CEP89: variants seen among roughly 807,000 people sequenced by gnomAD.
CEP89 encodes centrosomal protein of 89 kDa.
Under a neutral mutation model 97.6 loss-of-function variants are expected in CEP89, and 95 were observed. The ratio of observed to expected loss-of-function variants is 0.97; its 90% CI spans 0.82 to 1.15. CEP89 has a LOEUF of 1.15. Among genes scored for constraint, CEP89 ranks in the 50% most tolerant of loss-of-function variants. The pLI, the probability that CEP89 is intolerant of heterozygous loss-of-function variation, is 0.00. For missense variants in CEP89, 869 were observed against 947.7 expected (o/e 0.92, Z 1.09); for synonymous variants, 354 against 349.1 (o/e 1.01, Z -0.16).
chr19:32,929,947 C>T (rs1970436429), intron 9 of CEP89, among the ~76,000 whole-genome samples: 1 of 151,588 alleles, frequency 6.6e-6, no homozygotes, highest in Admixed American at 6.6e-5. Context: ...TTACCAGGGG[C>T]TGAGCTGGAG....
In CEP89 at chr19:32,918,217, A is replaced by G; in HGVS notation, c.1384+7T>C. ...TGCATGACCAGTCCTCACTGGAAGGACCTCACCTTCTTGGAGGCGCTCCTG... is the reference window on the plus strand; with the variant it reads ...TGCATGACCAGTCCTCACTGGAAGGGCCTCACCTTCTTGGAGGCGCTCCTG... On this transcript the variant is annotated splice_region_variant and intron_variant, in intron 13 of 18. Transcript: ENST00000305768. 1 of 1,598,370 alleles carries G rather than the reference A, an allele frequency of 6.3e-7. No individual in the cohort carries two copies. Among genetic ancestry groups the G allele is most frequent in the Non-Finnish European group, 8.6e-7 (1 of 1,165,736 alleles).
chr19:32,947,428 A>T (rs1970820263), intron 5 of CEP89, among the ~76,000 whole-genome samples: 2 of 63,574 alleles, frequency 3.1e-5, no homozygotes, highest in South Asian at 9.3e-4. Flanking sequence ...TAACATGGCA[A>T]AAAAAAACAG....
chr19:32,957,469 C>A (rs1031492291), intron 3 of CEP89, among the ~76,000 whole-genome samples: 1 of 151,982 alleles, frequency 6.6e-6, no homozygotes, highest in Non-Finnish European at 1.5e-5. Flanking sequence ...AAGTTCAAGT[C>A]CAGCCTGGGT....
At chr19:32,929,675 T>C (rs948871037) in intron 9 of CEP89, among the ~76,000 whole-genome samples, 3 of 151,550 alleles carry the variant, frequency 2.0e-5, no homozygotes, top group Non-Finnish European at 2.9e-5. Context: ...TTGGAGAACA[T>C]GGCATTTGCA....
At chr19:32,917,320 G>T (rs1448092761) in intron 13 of CEP89, among the ~76,000 whole-genome samples, 1 of 152,168 alleles carries the variant, frequency 6.6e-6, no homozygotes, top group Non-Finnish European at 1.5e-5. Context: ...AAATCACATG[G>T]AGGAAACTCC....
At chr19:32,892,703 C>T (rs60182876) in intron 16 of CEP89, among the ~76,000 whole-genome samples, 11,856 of 149,588 alleles carry the variant, frequency 0.079, 1,484 homozygotes, top group African/African-American at 0.26. Flanking sequence ...AACCTGTCAG[C>T]CAGCCAAGAA....
intron 14 of CEP89, among the ~76,000 whole-genome samples, chr19:32,907,770 AGAG>A (rs1969919317): frequency 6.6e-6 from 1 of 152,174 alleles, no homozygotes; most frequent in Non-Finnish European, 1.5e-5. Context: ...TAATTTTAGT[AGAG>A]ACAGGCTTTT....
intron 16 of CEP89, among the ~76,000 whole-genome samples, chr19:32,888,648 A>G (rs1339558404): frequency 6.7e-6 from 1 of 150,250 alleles, no homozygotes. Context: ...GCGCCACCGC[A>G]CTCCAGCCTG....
chr19:32,896,979 T>C (rs547254642), intron 16 of CEP89, among the ~76,000 whole-genome samples: 85 of 152,242 alleles, frequency 5.6e-4, no homozygotes, highest in Admixed American at 9.8e-4. Flanking sequence ...GATATCATCT[T>C]ACTCCAGTTA....
At chr19:32,951,534 T>TATATATATATATAC (rs1407110112) in intron 4 of CEP89, among the ~76,000 whole-genome samples, 1 of 122,042 alleles carries the variant, frequency 8.2e-6, no homozygotes, top group Non-Finnish European at 1.7e-5. Flanking sequence ...TATATATATA[T>TATATATATATATAC]ACACACACAC....
intron 16 of CEP89, among the ~76,000 whole-genome samples, chr19:32,896,170 G>A (rs1310252379): frequency 6.6e-6 from 1 of 152,094 alleles, no homozygotes; most frequent in African/African-American, 2.4e-5. Context: ...AATCAGTCCT[G>A]AGCAAAAAGA....
chr19:32,922,347 G>T (rs1291994480), intron 12 of CEP89, among the ~76,000 whole-genome samples: 1 of 152,054 alleles, frequency 6.6e-6, no homozygotes. Context: ...TTCGAGACCA[G>T]CTTGGGTAAC....
intron 5 of CEP89, 131 bp from the exon 6 acceptor site, chr19:32,940,016 A>C: frequency 3.9e-6 from 2 of 510,026 alleles, no homozygotes; most frequent in Non-Finnish European, 7.2e-6. Context: ...GATAAAATTC[A>C]CAGGGTCACA....
At chr19:32,964,041 G>GGA (rs1249165715) in intron 2 of CEP89, among the ~76,000 whole-genome samples, 1 of 151,756 alleles carries the variant, frequency 6.6e-6, no homozygotes, top group Non-Finnish European at 1.5e-5. Context: ...ACTGTTGGTG[G>GGA]GAACATAAAT....
rs755885105 is a variant in CEP89, at chr19:32,933,451, C to T, written c.886G>A (p.Val296Ile). The T allele has an allele frequency of 2.4e-4, 380 of 1,612,012 alleles. No homozygotes were observed. Among genetic ancestry groups the T allele is most frequent in the Non-Finnish European group, 3.0e-4 (359 of 1,178,718 alleles). The change falls in exon 8 of 19, where the codon GTT becomes ATT. Residue 296 changes from valine to isoleucine, a missense_variant and splice_region_variant. Val to Ile is a conservative substitution (Grantham distance 29). Coordinates refer to ENST00000305768, the MANE Select transcript of CEP89 (RefSeq NM_032816.5). The stretch of plus-strand genomic sequence containing the variant: ...ATAAAGGCACTCTGTCTGTCCCCAC[C>T]TTCCTGTGACGACGCCTTCTCAGCC... ...KEAEKASSQE[V>I]AAPELLYLRK...
intron 17 of CEP89, among the ~76,000 whole-genome samples, chr19:32,884,189 T>A (rs1211103616): frequency 1.3e-5 from 2 of 152,210 alleles, no homozygotes; most frequent in Non-Finnish European, 2.9e-5. Context: ...TCTCCCCCTT[T>A]TTTTTGGTGT....
chr19:32,939,952 T>G, intron 5 of CEP89, 67 bp from the exon 6 acceptor site: 1 of 769,384 alleles, frequency 1.3e-6, no homozygotes, highest in Non-Finnish European at 2.2e-6. Flanking sequence ...ACTCAGAAAG[T>G]ACAATCATAG....
intron 16 of CEP89, among the ~76,000 whole-genome samples, chr19:32,889,287 G>C (rs1266456516): frequency 6.6e-6 from 1 of 152,168 alleles, no homozygotes; most frequent in East Asian, 1.9e-4. Context: ...CAAGAGCCCT[G>C]CCCAGACATC....
chr19:32,960,553 TA>T (rs1373982683), intron 2 of CEP89, among the ~76,000 whole-genome samples: 4 of 152,160 alleles, frequency 2.6e-5, no homozygotes, highest in African/African-American at 9.7e-5. Context: ...CTCATGCTTA[TA>T]ATCCCAGCAC....
Sources: gnomAD v4.1 joint callset for allele counts (sites outside exome capture counted in the v4.1 genomes callset) on GRCh38, gnomAD v4.1.1 for gene constraint, MANE v1.5 for transcripts, NCBI Gene and HGNC (gene_info 2026-07-23, HGNC 2026-07-21) for gene names.